The following SV2C variants were observed in gnomAD, a reference collection of about 807,000 sequenced individuals.
SV2C encodes solute carrier family 22 member B3.
In SV2C, 49 loss-of-function variants were observed where a neutral mutation model predicts 79.7. The observed-to-expected ratio is 0.61, with a 90% CI of 0.49 to 0.78. The LOEUF is 0.78. SV2C is among the 30% of genes least tolerant of loss of function. The probability of loss-of-function intolerance (pLI) is 0.00; values close to 1 mark genes in which losing one functional copy is unlikely to be tolerated. For synonymous variants in SV2C, 334 were observed against 333.2 expected (o/e 1.00, Z -0.03); for missense variants, 833 against 912.9 (o/e 0.91, Z 1.13).
chr5:76,325,341 GTTCATGTCTCTTTCCT>G lies in SV2C; in HGVS notation c.2001-20_2001-5del. 6.2e-7 allele frequency: 1 copy of G among 1,612,796 alleles called. No homozygotes were observed. The highest frequency in any genetic ancestry group is 8.5e-7 in the Non-Finnish European group (1 of 1,179,200). ...CATGGGGAGGCATTTTCTCAACCTT[GTTCATGTCTCTTTCCT>G]TTGCAGGGCAACAGGCTTTGGCTTC... On this transcript the variant is annotated splice_polypyrimidine_tract_variant and splice_region_variant and intron_variant, in intron 12 of 12. Transcript: ENST00000502798.
chr5:76,347,363 T>A (rs754753702), intron 12 of SV2C, among the ~76,000 whole-genome samples: 1 of 152,156 alleles, frequency 6.6e-6, no homozygotes, highest in South Asian at 2.1e-4. Context: ...GGGGAATGAG[T>A]GCCTCGATCT....
the SV2C span, chr5:75,920,654 G>GGGGGGGGGGGA: frequency 1.7e-6 from 1 of 596,660 alleles, no homozygotes; most frequent in African/African-American, 1.9e-5. Flanking sequence ...GGGTGGGTGG[G>GGGGGGGGGGGA]AGGAACTGCC....
At chr5:76,095,029 A>G (rs1224477052) in intron 1 of SV2C, among the ~76,000 whole-genome samples, 1 of 151,936 alleles carries the variant, frequency 6.6e-6, no homozygotes, top group Non-Finnish European at 1.5e-5. Flanking sequence ...AAAAAGCCCA[A>G]GGTTATATAG....
rs561726547 is a variant in SV2C at position 76,312,106 on chromosome 5, C to T, written c.2000+10561C>T. Among the ~76,000 whole-genome samples the T allele has an allele frequency of 2.6e-5, 4 of 152,312 alleles. No individual in the cohort carries two copies. In the South Asian group the frequency reaches 6.2e-4, roughly 24 times the overall value. On this transcript the variant is annotated intron_variant, in intron 12 of 12. Transcript: ENST00000502798. Reference sequence around the variant, plus strand: ...TCAAAAGTCATAAATGTAGCTCCCGCGGTGTAGGCCTGTTCCAGCTCATTC... The same window carrying T: ...TCAAAAGTCATAAATGTAGCTCCCGTGGTGTAGGCCTGTTCCAGCTCATTC...
chr5:76,266,389 G>A (rs1424555481), intron 4 of SV2C, among the ~76,000 whole-genome samples: 2 of 152,042 alleles, frequency 1.3e-5, no homozygotes, highest in Non-Finnish European at 2.9e-5. Context: ...TGTATTTTCA[G>A]TAGAGACAGG....
intron 12 of SV2C, among the ~76,000 whole-genome samples, chr5:76,316,740 C>G (rs888490159): frequency 7.2e-4 from 109 of 152,078 alleles, no homozygotes; most frequent in African/African-American, 2.5e-3. Context: ...TATCCACATG[C>G]CATCCTTCTC....
At chr5:76,240,176 C>T (rs1275482752) in intron 4 of SV2C, among the ~76,000 whole-genome samples, 3 of 152,176 alleles carry the variant, frequency 2.0e-5, no homozygotes, top group Non-Finnish European at 4.4e-5. Context: ...AATTGTGGCA[C>T]GTGTGAGGGA....
chr5:75,994,582 T>C, the SV2C span, among the ~76,000 whole-genome samples: 1 of 152,176 alleles, frequency 6.6e-6, no homozygotes, highest in Admixed American at 6.6e-5. Flanking sequence ...TCTCTAAATT[T>C]CTGCATAAGA....
chr5:76,188,527 A>G (rs1743991979), intron 2 of SV2C, among the ~76,000 whole-genome samples: 1 of 152,190 alleles, frequency 6.6e-6, no homozygotes, highest in Admixed American at 6.5e-5. Flanking sequence ...CAAAGTTCAG[A>G]GTGGTAAATG....
intron 4 of SV2C, among the ~76,000 whole-genome samples, chr5:76,247,406 T>C (rs1160484570): frequency 6.6e-6 from 1 of 152,250 alleles, no homozygotes; most frequent in African/African-American, 2.4e-5. Context: ...TGTCACTCAC[T>C]TAAAACCAAC....
chr5:76,262,025 G>T (rs1303253032), intron 4 of SV2C, among the ~76,000 whole-genome samples: 1 of 152,180 alleles, frequency 6.6e-6, no homozygotes, highest in African/African-American at 2.4e-5. Context: ...AATGGTACCA[G>T]CTCCTCTTTG....
intron 1 of SV2C, among the ~76,000 whole-genome samples, chr5:76,099,931 G>C (rs146107621): frequency 7.8e-4 from 119 of 152,300 alleles, no homozygotes; most frequent in African/African-American, 2.5e-3. Context: ...GTTGTGGTTA[G>C]ATGTAAATTC....
the SV2C span, among the ~76,000 whole-genome samples, chr5:75,904,596 AT>A: frequency 1.2e-4 from 19 of 152,158 alleles, no homozygotes; most frequent in Non-Finnish European, 2.2e-4. Context: ...GGAGCCCTGA[AT>A]CCCAACAAAT....
chr5:75,897,691 T>A, the SV2C span, among the ~76,000 whole-genome samples: 2 of 152,282 alleles, frequency 1.3e-5, no homozygotes, highest in Admixed American at 6.5e-5. Flanking sequence ...TGATTCTTCC[T>A]ACCCATGAGC....
At position 76,313,408 on chromosome 5, in the gene SV2C, T is replaced by C. The variant is rs139539272; in HGVS notation, c.2000+11863T>C. The stretch of plus-strand genomic sequence containing the variant: ...CAGCAAAAGTCAGATTCATTTTGTC[T>C]CTGGTAGTTAGAAGTAGAGGGTGAA... On this transcript the variant is annotated intron_variant, in intron 12 of 12. Transcript: ENST00000502798. Among the ~76,000 whole-genome samples the C allele has an allele frequency of 4.3e-3, 655 of 152,266 alleles. 4 individuals are homozygous for C. The highest frequency in any genetic ancestry group is 0.015 in the African/African-American group (627 of 41,548).
chr5:76,296,137 T>A, intron 9 of SV2C, 195 bp downstream of exon 9: 1 of 411,036 alleles, frequency 2.4e-6, no homozygotes, highest in Non-Finnish European at 4.0e-6. Flanking sequence ...TTACTTCACT[T>A]AAAACTATTT....
At chr5:76,165,281 A>G (rs1044627006) in intron 2 of SV2C, among the ~76,000 whole-genome samples, 13 of 152,232 alleles carry the variant, frequency 8.5e-5, no homozygotes, top group African/African-American at 2.9e-4. Context: ...CAGGAAATTG[A>G]CATTGGTACA....
the SV2C span, among the ~76,000 whole-genome samples, chr5:75,884,846 T>G: frequency 6.6e-6 from 1 of 152,066 alleles, no homozygotes; most frequent in Non-Finnish European, 1.5e-5. Context: ...AAAACCATAT[T>G]GTACAGAACT....
At chr5:76,022,923 A>G in the SV2C span, among the ~76,000 whole-genome samples, 1 of 152,194 alleles carries the variant, frequency 6.6e-6, no homozygotes, top group African/African-American at 2.4e-5. Flanking sequence ...TCTGTATAGG[A>G]TATGTTGGCA....
Sources: allele counts gnomAD v4.1 joint callset (sites outside exome capture counted in the v4.1 genomes callset), GRCh38; gene constraint gnomAD v4.1.1; transcripts MANE v1.5; gene names NCBI Gene and HGNC (gene_info 2026-07-23, HGNC 2026-07-21).